Variants in PRPSAP1 observed in about 807,000 individuals in gnomAD.
PRPSAP1 encodes the protein phosphoribosyl pyrophosphate synthase-associated protein 1.
A neutral mutation model predicts 39.4 loss-of-function variants in PRPSAP1; 31 were observed. The observed-to-expected ratio is 0.79, with a 90% CI of 0.59 to 1.06. PRPSAP1 has a LOEUF of 1.06. Ranked by LOEUF, PRPSAP1 falls within the 50% of genes least tolerant of loss-of-function variation. The probability of loss-of-function intolerance (pLI) is 0.00; values close to 1 mark genes in which losing one functional copy is unlikely to be tolerated. For missense variants in PRPSAP1, 430 were observed against 511.6 expected (o/e 0.84, Z 1.54); for synonymous variants, 212 against 192.6 (o/e 1.10, Z -0.83).
At chr17:76,331,963 G>A (rs1398054683) in intron 4 of PRPSAP1, among the ~76,000 whole-genome samples, 1 of 152,052 alleles carries the variant, frequency 6.6e-6, no homozygotes, top group African/African-American at 2.4e-5. Context: ...AAGATCAAAA[G>A]ATCACATAAG....
chr17:76,315,020 A>G (rs1035243715), intron 7 of PRPSAP1, among the ~76,000 whole-genome samples: 1 of 152,220 alleles, frequency 6.6e-6, no homozygotes, highest in South Asian at 2.1e-4. Context: ...CCTTACTATC[A>G]GATAACTGCA....
At chr17:76,336,732 CAAAAAAAAA>C (rs57399038) in intron 3 of PRPSAP1, among the ~76,000 whole-genome samples, 3 of 63,344 alleles carry the variant, frequency 4.7e-5, no homozygotes, top group African/African-American at 6.3e-5. Context: ...AACTCCATCT[CAAAAAAAAA>C]AAAAAAAAAA....
In PRPSAP1 at chr17:76,325,392, G is replaced by A. The variant is rs189518301; in HGVS notation, c.781+3325C>T. Reference sequence around the variant, plus strand: ...CCACTGCACTCCAGCCTGGGCGACAGAGCGAGGAGACTCAGTCTCAAAAAA... The same window carrying A: ...CCACTGCACTCCAGCCTGGGCGACAAAGCGAGGAGACTCAGTCTCAAAAAA... On this transcript the variant is annotated intron_variant, in intron 7 of 9. Transcript: ENST00000446526. 6.7e-3 allele frequency among the ~76,000 whole-genome samples: 660 copies of A among 98,456 alleles called. 9 individuals are homozygous for A. The highest frequency in any genetic ancestry group is 0.026 in the African/African-American group (637 of 24,708). 64.6% of individuals were successfully genotyped at this position (98,456 alleles called of 152,430 possible).
chr17:76,349,518 T>C (rs1239939525), intron 1 of PRPSAP1, among the ~76,000 whole-genome samples: 1 of 151,968 alleles, frequency 6.6e-6, no homozygotes, highest in Non-Finnish European at 1.5e-5. Context: ...CCCAGCACTT[T>C]GGGAAGCTGA....
intron 3 of PRPSAP1, among the ~76,000 whole-genome samples, chr17:76,343,953 C>CT (rs992792138): frequency 1.2e-3 from 177 of 150,062 alleles, no homozygotes; most frequent in Non-Finnish European, 1.0e-3. Flanking sequence ...GAATGTATAA[C>CT]TTTTTTTTTT....
chr17:76,340,826 G>A (rs996799090), intron 3 of PRPSAP1, among the ~76,000 whole-genome samples: 47 of 150,512 alleles, frequency 3.1e-4, no homozygotes, highest in Admixed American at 3.1e-3. Context: ...GGAGGCGGGG[G>A]TTGTGGTGGG....
chr17:76,326,362 C>T (rs2143487843), intron 7 of PRPSAP1, among the ~76,000 whole-genome samples: 1 of 151,742 alleles, frequency 6.6e-6, no homozygotes, highest in African/African-American at 2.4e-5. Context: ...ACAGTTAAAA[C>T]ATAGTCTTAA....
intron 7 of PRPSAP1, among the ~76,000 whole-genome samples, chr17:76,322,042 T>C (rs410384): frequency 0.29 from 44,645 of 152,112 alleles, 7,563 homozygotes; most frequent in African/African-American, 0.46. Context: ...AGTGCTCATG[T>C]AGAAGCTGCA....
intron 2 of PRPSAP1, chr17:76,345,853 G>A: frequency 2.4e-6 from 1 of 412,350 alleles, no homozygotes; most frequent in Non-Finnish European, 4.7e-6. Flanking sequence ...CAAGAGAAAG[G>A]CTGAAGGGGA....
At chr17:76,319,128 C>T (rs1261804255) in intron 7 of PRPSAP1, among the ~76,000 whole-genome samples, 27 of 151,724 alleles carry the variant, frequency 1.8e-4, no homozygotes, top group Middle Eastern at 3.2e-3. Context: ...TTAGTAGAGA[C>T]GGGGTTTCAC....
rs1211691174 is a variant in PRPSAP1 at position 76,320,346 on chromosome 17, A to T, written c.782-6455T>A. Among the ~76,000 whole-genome samples the T allele has an allele frequency of 1.5e-5, 2 of 130,228 alleles. 1 individual carries two copies. The highest frequency in any genetic ancestry group is 3.1e-5 in the Non-Finnish European group (2 of 64,728). 85.4% of individuals were successfully genotyped at this position (130,228 alleles called of 152,430 possible). Reference sequence around the variant, plus strand: ...GAAGAAGGGAGGGAGGGAGGGAGGAAGGAAGGAAGAAAAAGGAAGAAAGGC... The same window carrying T: ...GAAGAAGGGAGGGAGGGAGGGAGGATGGAAGGAAGAAAAAGGAAGAAAGGC... On this transcript the variant is annotated intron_variant, in intron 7 of 9. Coordinates refer to ENST00000446526, the MANE Select transcript of PRPSAP1 (RefSeq NM_002766.3).
At chr17:76,326,698 T>G (rs2071259288) in intron 7 of PRPSAP1, among the ~76,000 whole-genome samples, 1 of 152,208 alleles carries the variant, frequency 6.6e-6, no homozygotes, top group African/African-American at 2.4e-5. Context: ...TGTGTGACCC[T>G]GGGTTAGGTC....
chr17:76,328,655 AACC>A (rs2071280325), intron 7 of PRPSAP1, 59 bp downstream of exon 7: 1 of 1,561,802 alleles, frequency 6.4e-7, no homozygotes, highest in Non-Finnish European at 8.7e-7. Context: ...AAACCAACAA[AACC>A]AACAAAAAAA....
intron 7 of PRPSAP1, among the ~76,000 whole-genome samples, chr17:76,317,461 A>C (rs446662): frequency 0.47 from 72,054 of 151,924 alleles, 20,532 homozygotes; most frequent in African/African-American, 0.79. Flanking sequence ...GAGGTGGAGG[A>C]TGCAGTGGGC....
At chr17:76,339,039 AAAATTAAATT>A (rs1203990521) in intron 3 of PRPSAP1, among the ~76,000 whole-genome samples, 1 of 151,830 alleles carries the variant, frequency 6.6e-6, no homozygotes, top group Non-Finnish European at 1.5e-5. Context: ...TCTCAAAAAA[AAAATTAAATT>A]AAATTAAATT....
At chr17:76,324,140 CAAA>C (rs34741154) in intron 7 of PRPSAP1, among the ~76,000 whole-genome samples, 3 of 117,088 alleles carry the variant, frequency 2.6e-5, no homozygotes, top group Admixed American at 8.6e-5. Flanking sequence ...GAGACTGTCT[CAAA>C]AAAAAAAAAA....
intron 3 of PRPSAP1, among the ~76,000 whole-genome samples, chr17:76,334,900 T>C (rs1170837815): frequency 6.6e-6 from 1 of 152,178 alleles, no homozygotes; most frequent in African/African-American, 2.4e-5. Context: ...TAATAGTCAA[T>C]TTTAGTTCAT....
rs757792469 is a variant in PRPSAP1 at position 76,348,570 on chromosome 17, G to C, written c.182C>G (p.Ala61Gly). The change falls in exon 2 of 10, where the codon GCT (alanine) becomes GGT (glycine). Residue 61 changes from alanine to glycine, a missense_variant. By Grantham distance (60) the Ala-to-Gly change is moderately conservative. Transcript: ENST00000446526. ...ATATACAACAGACTTCCCCAATTCA[G>C]CACCAAGGCGCCTATAGATCAAAAA... ...LAKRITERLG[A>G]ELGKSVVYQE... The C allele has an allele frequency of 2.0e-6, 3 of 1,530,190 alleles. No individual in the cohort carries two copies. In the East Asian group the frequency reaches 7.5e-5, roughly 38 times the overall value. The allele number at this position is 1,530,190 out of a possible 1,614,324, so 94.8% of individuals were successfully genotyped here.
At chr17:76,343,304 TC>T (rs2071460170) in intron 3 of PRPSAP1, among the ~76,000 whole-genome samples, 1 of 152,202 alleles carries the variant, frequency 6.6e-6, no homozygotes, top group Non-Finnish European at 1.5e-5. Context: ...AGGCCAGGAT[TC>T]CCCAGGTGTC....
Sources: gnomAD v4.1 joint callset for allele counts (sites outside exome capture counted in the v4.1 genomes callset) on GRCh38, gnomAD v4.1.1 for gene constraint, MANE v1.5 for transcripts, NCBI Gene and HGNC (gene_info 2026-07-23, HGNC 2026-07-21) for gene names.